Variants in TEAD2 observed in about 807,000 individuals in gnomAD.
TEAD2 encodes the protein TEA domain transcription factor 2.
Under a neutral mutation model 61.4 loss-of-function variants are expected in TEAD2, and 51 were observed. The ratio of observed to expected loss-of-function variants is 0.83; its 90% CI spans 0.66 to 1.05. TEAD2 has a LOEUF of 1.05. Ranked by LOEUF, TEAD2 falls within the 50% of genes least tolerant of loss-of-function variation. TEAD2 has a pLI of 0.00. For synonymous variants in TEAD2, 244 were observed against 243.2 expected, an observed-to-expected ratio of 1.00 and a Z score of -0.03; for missense variants, 509 against 600.0, an observed-to-expected ratio of 0.85 and a Z score of 1.58.
At chr19:49,355,700 A>G (rs867137335) in intron 5 of TEAD2, among the ~76,000 whole-genome samples, 2 of 152,128 alleles carry the variant, frequency 1.3e-5, no homozygotes, top group African/African-American at 4.8e-5. Context: ...GGTGGTGCAC[A>G]CGCATAATCC....
At chr19:49,347,647 C>A (rs762672276) in intron 9 of TEAD2, among the ~76,000 whole-genome samples, 4 of 152,158 alleles carry the variant, frequency 2.6e-5, no homozygotes, top group Non-Finnish European at 4.4e-5. Context: ...CTCACCCCAG[C>A]CTCCAACCTC....
chr19:49,355,924 T>A, intron 5 of TEAD2, 35 bp downstream of exon 5: 1 of 1,264,420 alleles, frequency 7.9e-7, no homozygotes, highest in Non-Finnish European at 9.9e-7. Flanking sequence ...TAGTTTGGAG[T>A]GAGCGTGGGT....
In TEAD2 at chr19:49,359,864, G is replaced by C. The variant is rs1016605399; in HGVS notation, c.212C>G (p.Ser71Cys). Residue 71 changes from serine (S) to cysteine (C), a missense_variant, in exon 2 of 13, where the codon TCT becomes TGT. Ser to Cys is a moderately radical substitution (Grantham distance 112). Transcript: ENST00000593945. The surrounding 1 kb of genome is among the most constrained non-coding windows in gnomAD (Gnocchi z 4.1). ...CTCACCATACATCTTGCCTTCATCAGACAAAATTATTTTCCGGCGGCCGCA... is the reference window on the plus strand; with the variant it reads ...CTCACCATACATCTTGCCTTCATCACACAAAATTATTTTCCGGCGGCCGCA... ...PPCGRRKIIL[S>C]DEGKMYGRNE... 3.7e-6 allele frequency: 6 copies of C among 1,613,744 alleles called. No individual in the cohort carries two copies. The South Asian group carries it at 6.6e-5, about 18-fold the overall frequency.
At chr19:49,360,756 G>T (rs185367642) in intron 1 of TEAD2, among the ~76,000 whole-genome samples, 25 of 90,448 alleles carry the variant, frequency 2.8e-4, no homozygotes, top group Middle Eastern at 5.0e-3. Context: ...CAGAGAGGGA[G>T]GGGGACAGAG....
chr19:49,342,419 G>C lies in TEAD2; in HGVS notation c.1242+19C>G. 6.2e-7 allele frequency: 1 copy of C among 1,610,832 alleles called. No individual in the cohort carries two copies. Among genetic ancestry groups the C allele is most frequent in the Non-Finnish European group, 8.5e-7 (1 of 1,177,270 alleles). ...CTCCACACTGGGGGGCCCCACTCCAGCCCAGCCCCAGGCATCACCTGGAGG... is the reference window on the plus strand; with the variant it reads ...CTCCACACTGGGGGGCCCCACTCCACCCCAGCCCCAGGCATCACCTGGAGG... On this transcript the variant is annotated intron_variant, in intron 12 of 12. Coordinates refer to ENST00000593945, the MANE Select transcript of TEAD2 (RefSeq NM_001256660.2).
chr19:49,359,453 C>G lies in TEAD2; in HGVS notation c.279G>C (p.Lys93Asn). The change falls in exon 3 of 13, where the codon AAG (lysine) becomes AAC (asparagine). Residue 93 changes from lysine (K) to asparagine (N), a missense_variant. Physicochemically the swap from Lys to Asn is moderately conservative, Grantham distance 94. Transcript: ENST00000593945. The surrounding 1 kb of genome is among the most constrained non-coding windows in gnomAD (Gnocchi z 4.1). Reference protein sequence around the residue: ...IARYIKLRTGKTRTRKQVSSH... With the variant: ...IARYIKLRTGNTRTRKQVSSH... ...CCGAGACCTGTTTTCGAGTTCGGGT[C>G]TTCCCCGTTCTCAGCTTGATGTAGC... 1 of 1,614,092 alleles carries G rather than the reference C, an allele frequency of 6.2e-7. No homozygotes were observed. The highest frequency in any genetic ancestry group is 8.5e-7 in the Non-Finnish European group (1 of 1,180,006).
intron 7 of TEAD2, 119 bp downstream of exon 7, chr19:49,355,029 A>G (rs1972287712): frequency 1.5e-6 from 1 of 679,266 alleles, no homozygotes; most frequent in Non-Finnish European, 2.6e-6. Flanking sequence ...ATGCATACAT[A>G]CATACATACA....
Position 49,355,974 on chromosome 19 carries a change from C to A in TEAD2, c.361-4G>T. ...AGGAACTTACCACGTTCAGAGCCTG[C>A]CCGTGGGGGTGGGGGAGGGTGCCAA... On this transcript the variant is annotated splice_polypyrimidine_tract_variant and splice_region_variant and intron_variant, in intron 4 of 12. Transcript: ENST00000593945. 1 of 1,252,688 alleles carries A rather than the reference C, an allele frequency of 8.0e-7. No homozygotes were observed. Among genetic ancestry groups the A allele is most frequent in the Non-Finnish European group, 1.0e-6 (1 of 998,356 alleles). 77.6% of individuals were successfully genotyped at this position (1,252,688 alleles called of 1,614,324 possible). A position where few individuals can be genotyped will look rare whatever the true frequency, so the allele number is the denominator to read the frequency against.
At position 49,360,064 on chromosome 19, in the gene TEAD2, G is replaced by A. The variant is rs1568583371; in HGVS notation, c.12C>T (p.Pro4=). The change falls in exon 2 of 13, where the codon CCC becomes CCT. Residue 4 remains proline (P), a synonymous_variant. Coordinates refer to ENST00000593945, the MANE Select transcript of TEAD2 (RefSeq NM_001256660.2). MGE[P]RAGAALDDGS... The stretch of plus-strand genomic sequence containing the variant: ...CATCGTCCAGGGCGGCCCCAGCCCG[G>A]GGTTCCCCCATCTGGGCCTGGAGGA... The A allele has an allele frequency of 1.2e-6, 2 of 1,605,664 alleles. No homozygotes were observed. The highest frequency in any genetic ancestry group is 1.1e-5 in the South Asian group (1 of 91,020).
chr19:49,356,043 C>A (rs1972370751), intron 4 of TEAD2, 73 bp from the exon 5 acceptor site: 1 of 1,175,476 alleles, frequency 8.5e-7, no homozygotes, highest in Non-Finnish European at 1.1e-6. Context: ...CCCGGACTCC[C>A]CCACCTCCCT....
At chr19:49,349,816 T>C (rs1892504622) in intron 8 of TEAD2, among the ~76,000 whole-genome samples, 1 of 152,156 alleles carries the variant, frequency 6.6e-6, no homozygotes, top group Admixed American at 6.6e-5. Flanking sequence ...GGCATTCCTT[T>C]ACAGCAATGC....
chr19:49,346,287 C>G (rs751596043), intron 10 of TEAD2, among the ~76,000 whole-genome samples: 1 of 152,104 alleles, frequency 6.6e-6, no homozygotes, highest in Non-Finnish European at 1.5e-5. Context: ...GATGGGCCCT[C>G]TTAGTCCCAA....
chr19:49,344,943 G>A lies in TEAD2; in HGVS notation c.922-1545C>T, dbSNP rs565284465. On this transcript the variant is annotated intron_variant, in intron 10 of 12. Transcript: ENST00000593945. ...GGTCTGAGTCACCTCCTTGCGAGGCGCACCTCTTCCTCTTCCTAACTTTAG... is the reference window on the plus strand; with the variant it reads ...GGTCTGAGTCACCTCCTTGCGAGGCACACCTCTTCCTCTTCCTAACTTTAG... Among the ~76,000 whole-genome samples, 5 of 152,284 alleles carry A rather than the reference G, an allele frequency of 3.3e-5. No individual in the cohort carries two copies. In the South Asian group the frequency reaches 6.2e-4, roughly 19 times the overall value.
intron 1 of TEAD2, among the ~76,000 whole-genome samples, chr19:49,361,077 G>A (rs1972861520): frequency 7.9e-6 from 1 of 126,710 alleles, no homozygotes; most frequent in Non-Finnish European, 1.6e-5. Context: ...CAGAGAGAGG[G>A]ACAGAGACCC....
intron 8 of TEAD2, among the ~76,000 whole-genome samples, chr19:49,349,232 C>T (rs1468795382): frequency 6.6e-6 from 1 of 152,074 alleles, no homozygotes; most frequent in East Asian, 1.9e-4. Flanking sequence ...GGGAGGCCAA[C>T]GCAGGTGGAT....
chr19:49,360,228 G>A (rs535390515), intron 1 of TEAD2, 147 bp from the exon 2 acceptor site: 2 of 656,770 alleles, frequency 3.0e-6, no homozygotes, highest in Non-Finnish European at 5.2e-6. Flanking sequence ...GAGGAGCTGG[G>A]GGGTATTCCT....
chr19:49,345,981 A>G (rs1324689577), intron 10 of TEAD2, among the ~76,000 whole-genome samples: 1 of 151,806 alleles, frequency 6.6e-6, no homozygotes, highest in Non-Finnish European at 1.5e-5. Context: ...CCTGGCCAAC[A>G]TGACGAAACT....
chr19:49,358,419 C>G (rs1213516062), intron 3 of TEAD2, among the ~76,000 whole-genome samples: 2 of 151,522 alleles, frequency 1.3e-5, no homozygotes, highest in Non-Finnish European at 2.9e-5. Context: ...CTCTCAAAAA[C>G]AACAACAACA....
intron 7 of TEAD2, 147 bp downstream of exon 7, chr19:49,355,001 C>CAGTA (rs1972279570): frequency 3.8e-6 from 2 of 519,848 alleles, no homozygotes; most frequent in East Asian, 3.3e-5. Flanking sequence ...GACTCCATGT[C>CAGTA]AATAAATACA....
Sources: allele counts gnomAD v4.1 joint callset (sites outside exome capture counted in the v4.1 genomes callset), GRCh38; gene constraint gnomAD v4.1.1; non-coding constraint Gnocchi (gnomAD v3.1); transcripts MANE v1.5; gene names NCBI Gene and HGNC (gene_info 2026-07-23, HGNC 2026-07-21).